The following VPS13B variants were observed in gnomAD, a reference collection of about 807,000 sequenced individuals.
VPS13B encodes the protein intermembrane lipid transfer protein VPS13B.
VPS13B carries 285 observed loss-of-function variants against 426.4 expected under a neutral mutation model. The observed-to-expected ratio is 0.67, with a 90% CI of 0.61 to 0.74. The LOEUF is 0.74. Among genes scored for constraint, VPS13B ranks in the 30% least tolerant of loss-of-function variants. VPS13B has a pLI of 0.00. For synonymous variants in VPS13B, 1,676 were observed against 1,676.4 expected, an observed-to-expected ratio of 1.00 and a Z score of 0.01; for missense variants, 4,537 against 4,782.6, an observed-to-expected ratio of 0.95 and a Z score of 1.51.
chr8:99,354,457 T>C (rs1308709611), intron 19 of VPS13B, among the ~76,000 whole-genome samples: 1 of 151,626 alleles, frequency 6.6e-6, no homozygotes, highest in Non-Finnish European at 1.5e-5. Context: ...TTCATGTGCC[T>C]GGAATTTATA....
rs922406857 is a variant in VPS13B, at chr8:99,151,573, G to A, written c.2013+3563G>A. On this transcript the variant is annotated intron_variant, in intron 14 of 61. Coordinates refer to ENST00000357162, the MANE Select transcript of VPS13B (RefSeq NM_152564.5). Reference sequence around the variant, plus strand: ...TTTGAGATGGAGTTTCACTTTTGTTGCCCAGGCTGGAGTGCAATGGCATGA... The same window carrying A: ...TTTGAGATGGAGTTTCACTTTTGTTACCCAGGCTGGAGTGCAATGGCATGA... Among the ~76,000 whole-genome samples, 14 of 147,134 alleles carry A rather than the reference G, an allele frequency of 9.5e-5. No individual in the cohort carries two copies. The East Asian group carries it at 2.6e-3, about 28-fold the overall frequency.
chr8:99,301,085 C>G (rs1588224674), intron 19 of VPS13B, among the ~76,000 whole-genome samples: 1 of 151,630 alleles, frequency 6.6e-6, no homozygotes, highest in East Asian at 1.9e-4. Flanking sequence ...GTGTGGTGTG[C>G]ATGCCTGAAG....
At chr8:99,781,316 T>C (rs2130691055) in intron 42 of VPS13B, among the ~76,000 whole-genome samples, 1 of 152,260 alleles carries the variant, frequency 6.6e-6, no homozygotes, top group Admixed American at 6.5e-5. Flanking sequence ...ATTAAAAGGG[T>C]TTTTTTCTTA....
intron 21 of VPS13B, among the ~76,000 whole-genome samples, chr8:99,420,831 A>C (rs896418134): frequency 2.0e-5 from 3 of 152,196 alleles, no homozygotes; most frequent in African/African-American, 7.2e-5. Flanking sequence ...CATTTCTCAG[A>C]GGAAATGACA....
chr8:99,637,076 A>G (rs1049243772), intron 33 of VPS13B, among the ~76,000 whole-genome samples: 2 of 152,086 alleles, frequency 1.3e-5, no homozygotes, highest in Admixed American at 6.6e-5. Flanking sequence ...GCTATTTTTG[A>G]CAACTTAAAT....
At chr8:99,536,013 G>A (rs533897136) in intron 30 of VPS13B, among the ~76,000 whole-genome samples, 14 of 149,898 alleles carry the variant, frequency 9.3e-5, no homozygotes, top group Non-Finnish European at 1.5e-4. Flanking sequence ...GTAATGGCAC[G>A]ATCTTGGCTC....
intron 17 of VPS13B, among the ~76,000 whole-genome samples, chr8:99,221,630 C>A (rs553403472): frequency 6.6e-6 from 1 of 152,266 alleles, no homozygotes; most frequent in Non-Finnish European, 1.5e-5. Flanking sequence ...CGCGGACACA[C>A]CGTGTTCTCA....
intron 19 of VPS13B, among the ~76,000 whole-genome samples, chr8:99,351,903 A>G (rs1285230065): frequency 3.3e-5 from 5 of 152,140 alleles, no homozygotes; most frequent in African/African-American, 1.2e-4. Flanking sequence ...AAATATCTTA[A>G]TATCCAGAAG....
At position 99,818,367 on chromosome 8, in the gene VPS13B, C is replaced by T. The variant is rs1814165449; in HGVS notation, c.8362-84C>T. 3.7e-6 allele frequency: 5 copies of T among 1,348,544 alleles called. No individual in the cohort carries two copies. The South Asian group carries it at 4.7e-5, about 13-fold the overall frequency. 83.5% of individuals were successfully genotyped at this position (1,348,544 alleles called of 1,614,324 possible). A position where few individuals can be genotyped will look rare whatever the true frequency, so the allele number is the denominator to read the frequency against. On this transcript the variant is annotated intron_variant, in intron 45 of 61. Transcript: ENST00000357162. The stretch of plus-strand genomic sequence containing the variant: ...TAAACTTTAAACTCTTTTTAATCTT[C>T]CAAACTGATGTATCTGTGCCTTATT...
chr8:99,292,793 T>C (rs532551798), intron 19 of VPS13B, among the ~76,000 whole-genome samples: 2 of 152,266 alleles, frequency 1.3e-5, no homozygotes, highest in South Asian at 4.1e-4. Flanking sequence ...TTATATGTTA[T>C]ATCTATTTTT....
In VPS13B at chr8:99,299,724, A is replaced by G. The variant is rs1268342726; in HGVS notation, c.2824+24470A>G. Among the ~76,000 whole-genome samples, 5 of 152,028 alleles carry G rather than the reference A, an allele frequency of 3.3e-5. No homozygotes were observed. In the East Asian group the frequency reaches 9.7e-4, roughly 29 times the overall value. On this transcript the variant is annotated intron_variant, in intron 19 of 61. Coordinates refer to ENST00000357162, the MANE Select transcript of VPS13B (RefSeq NM_152564.5). ...CAGGAGTTCGAGACCAGCTTGGCCAACATGGTGAAACCCAGTCTCTACTAA... is the reference window on the plus strand; with the variant it reads ...CAGGAGTTCGAGACCAGCTTGGCCAGCATGGTGAAACCCAGTCTCTACTAA...
chr8:99,122,995 C>T (rs1272656844), intron 8 of VPS13B, among the ~76,000 whole-genome samples: 1 of 151,458 alleles, frequency 6.6e-6, no homozygotes, highest in Non-Finnish European at 1.5e-5. Context: ...GTGACGCATG[C>T]CTGTAATCCC....
chr8:99,055,308 G>A (rs893691585), intron 3 of VPS13B, among the ~76,000 whole-genome samples: 1 of 152,278 alleles, frequency 6.6e-6, no homozygotes, highest in Non-Finnish European at 1.5e-5. Context: ...CCAAAGTGCT[G>A]TGATTACAGG....
intron 24 of VPS13B, among the ~76,000 whole-genome samples, chr8:99,472,384 T>C (rs1819460495): frequency 6.6e-6 from 1 of 151,928 alleles, no homozygotes; most frequent in Admixed American, 6.6e-5. Context: ...CACAGTCAAA[T>C]TAGAAATTAA....
chr8:99,102,755 G>A (rs1035519630), intron 4 of VPS13B, among the ~76,000 whole-genome samples, 198 bp from the exon 5 acceptor site: 8 of 152,078 alleles, frequency 5.3e-5, no homozygotes, highest in East Asian at 1.9e-4. Flanking sequence ...TGATAATGAC[G>A]TTTGTTGGGG....
At chr8:99,691,291 G>C (rs548473956) in intron 35 of VPS13B, among the ~76,000 whole-genome samples, 3 of 151,394 alleles carry the variant, frequency 2.0e-5, no homozygotes, top group African/African-American at 7.3e-5. Flanking sequence ...TGATGTTCTG[G>C]GATTAGACAG....
chr8:99,366,469 T>C (rs893334558), intron 19 of VPS13B, among the ~76,000 whole-genome samples: 1 of 151,926 alleles, frequency 6.6e-6, no homozygotes, highest in African/African-American at 2.4e-5. Context: ...TGTATTTGAG[T>C]GTCTTTATGG....
chr8:99,126,995 T>A (rs1051552865), intron 8 of VPS13B, among the ~76,000 whole-genome samples: 5 of 151,932 alleles, frequency 3.3e-5, no homozygotes, highest in African/African-American at 9.7e-5. Context: ...CTTAGCAGGT[T>A]GAGGTGGGAG....
intron 44 of VPS13B, among the ~76,000 whole-genome samples, chr8:99,812,879 C>T (rs1813795246): frequency 6.6e-6 from 1 of 152,006 alleles, no homozygotes; most frequent in Non-Finnish European, 1.5e-5. Flanking sequence ...CTGAAACCTG[C>T]TAAGTAAAAT....
Sources: allele counts gnomAD v4.1 joint callset (sites outside exome capture counted in the v4.1 genomes callset), GRCh38; gene constraint gnomAD v4.1.1; transcripts MANE v1.5; gene names NCBI Gene and HGNC (gene_info 2026-07-23, HGNC 2026-07-21).